TDP2: variants seen among roughly 807,000 people sequenced by gnomAD.
TDP2 encodes the protein 5'-Tyr-DNA phosphodiesterase.
In TDP2, 38 loss-of-function variants were observed where a neutral mutation model predicts 42.8. The observed-to-expected ratio is 0.89, with a 90% CI of 0.68 to 1.16. The LOEUF is 1.16. Among genes scored for constraint, TDP2 ranks in the 50% most tolerant of loss-of-function variants. TDP2 has a pLI of 0.00. For synonymous variants in TDP2, 173 were observed against 150.6 expected (o/e 1.15, Z -1.09); for missense variants, 439 against 439.3 (o/e 1.00, Z 0.01).
intron 2 of TDP2, among the ~76,000 whole-genome samples, chr6:24,659,691 A>C (rs1778110082): frequency 6.6e-6 from 1 of 152,246 alleles, no homozygotes; most frequent in Non-Finnish European, 1.5e-5. Context: ...ATTGTGGCAG[A>C]TAAATAGGAA....
intron 2 of TDP2, among the ~76,000 whole-genome samples, chr6:24,662,393 T>G (rs1483646709): frequency 6.6e-6 from 1 of 152,184 alleles, no homozygotes; most frequent in African/African-American, 2.4e-5. Context: ...AACCGCCTTA[T>G]AGCTGGAGGT....
intron 2 of TDP2, 80 bp downstream of exon 2, chr6:24,666,446 G>T (rs779392453): frequency 6.6e-6 from 10 of 1,506,396 alleles, no homozygotes; most frequent in South Asian, 2.3e-5. Flanking sequence ...CCAGCTCCAC[G>T]GCAGGTCCCA....
Position 24,657,855 on chromosome 6 carries a change from A to G in TDP2, c.474T>C (p.Tyr158=), listed in dbSNP as rs1778081243. Residue 158 remains tyrosine, a synonymous_variant, in exon 4 of 7, where the codon TAT becomes TAC. Transcript: ENST00000378198. The part of the protein sequence containing the change: ...IFLQEVIPPY[Y]SYLKKRSSNY... ...TACTTGATCTCTTCTTTAGGTAGCTATAATATGGGGGAATAACTTCCTGTA... is the reference window on the plus strand; with the variant it reads ...TACTTGATCTCTTCTTTAGGTAGCTGTAATATGGGGGAATAACTTCCTGTA... 2 of 1,585,626 alleles carry G rather than the reference A, an allele frequency of 1.3e-6. No individual in the cohort carries two copies. Among genetic ancestry groups the G allele is most frequent in the African/African-American group, 1.4e-5 (1 of 73,202 alleles).
At chr6:24,662,996 C>T (rs147357100) in intron 2 of TDP2, among the ~76,000 whole-genome samples, 5 of 152,284 alleles carry the variant, frequency 3.3e-5, no homozygotes, top group African/African-American at 1.2e-4. Context: ...CTTACCTATC[C>T]GGCACACACA....
In TDP2 at chr6:24,666,877, T is replaced by C. The variant is rs1262658803; in HGVS notation, c.-15A>G. 1.2e-6 allele frequency: 2 copies of C among 1,612,674 alleles called. No homozygotes were observed. On this transcript the variant is annotated 5_prime_UTR_variant, in exon 1 of 7. Coordinates refer to ENST00000378198, the MANE Select transcript of TDP2 (RefSeq NM_016614.3). ...CCCAACTCCATCTTCCTGCCGCCTC[T>C]GCACCGCCCCTTTAAGCGGAACAGG...
At chr6:24,658,989 C>G (rs1778100520) in intron 2 of TDP2, 2 of 334,610 alleles carry the variant, frequency 6.0e-6, no homozygotes, top group African/African-American at 4.2e-5. Flanking sequence ...GACTTGCATC[C>G]CCATTGCTCC....
chr6:24,652,691 T>C (rs1260389997), intron 6 of TDP2, among the ~76,000 whole-genome samples: 3 of 152,180 alleles, frequency 2.0e-5, no homozygotes, highest in African/African-American at 7.2e-5. Context: ...TAAACTCTTC[T>C]ACAATCATTT....
chr6:24,660,979 C>G (rs1197252214), intron 2 of TDP2, among the ~76,000 whole-genome samples: 1 of 152,168 alleles, frequency 6.6e-6, no homozygotes, highest in Non-Finnish European at 1.5e-5. Flanking sequence ...ATGGAGCTTT[C>G]CCATTCCTGG....
intron 4 of TDP2, among the ~76,000 whole-genome samples, chr6:24,655,975 T>A (rs191764489): frequency 3.7e-4 from 56 of 152,312 alleles, no homozygotes; most frequent in African/African-American, 1.3e-3. Flanking sequence ...AATCAACATT[T>A]TAGTGTTTGG....
At chr6:24,662,990 C>G (rs1390889437) in intron 2 of TDP2, among the ~76,000 whole-genome samples, 1 of 152,204 alleles carries the variant, frequency 6.6e-6, no homozygotes, top group Non-Finnish European at 1.5e-5. Flanking sequence ...AGGCCCCTTA[C>G]CTATCCGGCA....
chr6:24,656,107 C>T (rs1365412253), intron 4 of TDP2, among the ~76,000 whole-genome samples: 1 of 151,954 alleles, frequency 6.6e-6, no homozygotes, highest in Non-Finnish European at 1.5e-5. Flanking sequence ...AAAAACAATG[C>T]AGGGAAAGAG....
chr6:24,659,010 A>T (rs1168398067), intron 2 of TDP2: 2 of 286,246 alleles, frequency 7.0e-6, no homozygotes, highest in Non-Finnish European at 1.3e-5. Context: ...TATGGGTAGG[A>T]TCTCTGACAT....
chr6:24,653,137 T>C lies in TDP2; in HGVS notation c.653A>G (p.Asn218Ser). ...ATGGGATGTCATAAGGCAAAGCTCATTTCCTGACACGTTCACCTGCAGCAG... is the reference window on the plus strand; with the variant it reads ...ATGGGATGTCATAAGGCAAAGCTCACTTCCTGACACGTTCACCTGCAGCAG... The part of the protein sequence containing the change: ...LLCVHVNVSG[N>S]ELCLMTSHLE... Residue 218 changes from asparagine to serine, a missense_variant, in exon 6 of 7, where the codon AAT becomes AGT. Physicochemically the swap from Asn to Ser is conservative, Grantham distance 46. Coordinates refer to ENST00000378198, the MANE Select transcript of TDP2 (RefSeq NM_016614.3). 6.2e-7 allele frequency: 1 copy of C among 1,614,174 alleles called. No individual in the cohort carries two copies.
chr6:24,661,109 A>G (rs17243527), intron 2 of TDP2, among the ~76,000 whole-genome samples: 101 of 152,354 alleles, frequency 6.6e-4, no homozygotes, highest in African/African-American at 2.2e-3. Flanking sequence ...TTATGTAAAT[A>G]TGCTGTTGTT....
chr6:24,650,821 C>G lies in TDP2; in HGVS notation c.1056G>C (p.Trp352Cys), dbSNP rs1425244849. 1.9e-6 allele frequency: 3 copies of G among 1,613,952 alleles called. No individual in the cohort carries two copies. The African/African-American group carries it at 4.0e-5, about 22-fold the overall frequency. ...LDCGRFPSDH[W>C]GLLCNLDIIL ...TTATATCTAAGTTGCACAGAAGACC[C>G]CAGTGATCACTAGGAAATCTACCAC... The change falls in exon 7 of 7, where the codon TGG becomes TGC. Residue 352 changes from tryptophan (W) to cysteine (C), a missense_variant. Transcript: ENST00000378198.
intron 2 of TDP2, among the ~76,000 whole-genome samples, chr6:24,663,019 A>C (rs888314316): frequency 6.6e-6 from 1 of 152,194 alleles, no homozygotes; most frequent in Admixed American, 6.5e-5. Flanking sequence ...TTTTTTTCCA[A>C]GTTTAAAGAT....
At position 24,650,287 on chromosome 6, in the gene TDP2, T is replaced by C. The variant is rs571604043; in HGVS notation, c.*501A>G. On this transcript the variant is annotated 3_prime_UTR_variant, in exon 7 of 7. Transcript: ENST00000378198. ...AATTATAGCTTACCAATTATGTAAT[T>C]AGCTGACAAAAATCAAGTCTGATGT... is the stretch of plus-strand genomic sequence containing the variant. 6.5e-6 allele frequency: 1 copy of C among 153,458 alleles called. No individual in the cohort carries two copies. The highest frequency in any genetic ancestry group is 1.5e-5 in the Non-Finnish European group (1 of 68,892). 9.5% of individuals were successfully genotyped at this position (153,458 alleles called of 1,614,324 possible).
chr6:24,663,647 A>C (rs1778189076), intron 2 of TDP2, among the ~76,000 whole-genome samples: 1 of 152,092 alleles, frequency 6.6e-6, no homozygotes, highest in Admixed American at 6.6e-5. Context: ...GGTTGTTTAA[A>C]AGTATGTGGC....
chr6:24,650,239 G>C lies in TDP2; in HGVS notation c.*549C>G, dbSNP rs963164374. On this transcript the variant is annotated 3_prime_UTR_variant, in exon 7 of 7. Coordinates refer to ENST00000378198, the MANE Select transcript of TDP2 (RefSeq NM_016614.3). ...CAAACATGAATCAAAAAGGAGTTAA[G>C]GAATTTTAAGCCATAAGGTTTCAAT... 2.6e-5 allele frequency: 4 copies of C among 152,434 alleles called. No individual in the cohort carries two copies. Among genetic ancestry groups the C allele is most frequent in the Non-Finnish European group, 5.9e-5 (4 of 68,284 alleles). The allele number at this position is 152,434 out of a possible 1,614,324, so 9.4% of individuals were successfully genotyped here.
Sources: allele counts gnomAD v4.1 joint callset (sites outside exome capture counted in the v4.1 genomes callset), GRCh38; gene constraint gnomAD v4.1.1; transcripts MANE v1.5; gene names NCBI Gene and HGNC (gene_info 2026-07-23, HGNC 2026-07-21).